The following TBC1D22A variants were observed in gnomAD, a reference collection of about 807,000 sequenced individuals.
The protein encoded by TBC1D22A is TBC1 domain family member 22A.
A neutral mutation model predicts 60.2 loss-of-function variants in TBC1D22A; 38 were observed. That is an observed-to-expected ratio of 0.63 (90% CI 0.49 to 0.83). TBC1D22A has a LOEUF of 0.83. Among genes scored for constraint, TBC1D22A ranks in the 40% least tolerant of loss-of-function variants. TBC1D22A has a pLI of 0.00. For synonymous variants in TBC1D22A, 302 were observed against 281.7 expected (o/e 1.07, Z -0.72); for missense variants, 628 against 701.0 (o/e 0.90, Z 1.18).
At chr22:47,134,410 G>T (rs1372873485) in intron 12 of TBC1D22A, among the ~76,000 whole-genome samples, 1 of 152,240 alleles carries the variant, frequency 6.6e-6, no homozygotes, top group Non-Finnish European at 1.5e-5. Context: ...TGGAAGGAAG[G>T]CGGGTTCTGC....
At chr22:47,111,647 C>T (rs1449275071) in intron 12 of TBC1D22A, 44 bp downstream of exon 12, 1 of 1,546,214 alleles carries the variant, frequency 6.5e-7, no homozygotes, top group Admixed American at 1.7e-5. Flanking sequence ...TGATTTTCTA[C>T]TAGGAGAGAG....
rs148298585 is a variant in TBC1D22A at position 46,821,401 on chromosome 22, T to G, written c.637+23781T>G. Among the ~76,000 whole-genome samples the G allele has an allele frequency of 3.1e-3, 471 of 152,294 alleles. 2 individuals are homozygous for G. Among genetic ancestry groups the G allele is most frequent in the Non-Finnish European group, 4.1e-3 (281 of 68,030 alleles). Reference sequence around the variant, plus strand: ...GTTTTTCCTTTCCATATTTAGTGCTTCTTTTGGGAGCTCTTGCAGGGCAGA... The same window carrying G: ...GTTTTTCCTTTCCATATTTAGTGCTGCTTTTGGGAGCTCTTGCAGGGCAGA... On this transcript the variant is annotated intron_variant, in intron 4 of 12. Transcript: ENST00000337137.
chr22:47,066,394 G>T (rs1369600694), intron 11 of TBC1D22A, among the ~76,000 whole-genome samples: 1 of 152,136 alleles, frequency 6.6e-6, no homozygotes, highest in East Asian at 1.9e-4. Context: ...ATGAGGGGAT[G>T]CTCGAGTCAG....
chr22:46,916,956 T>TG lies in TBC1D22A; in HGVS notation c.1015+4772dup, dbSNP rs1213517052. On this transcript the variant is annotated intron_variant, in intron 8 of 12. Transcript: ENST00000337137. Reference sequence around the variant, plus strand: ...TTTCAGAGGTTGAAGCCTTAGGGAGTGGGGAAGAAACTAGAGGCACATAGT... The same window carrying TG: ...TTTCAGAGGTTGAAGCCTTAGGGAGTGGGGGAAGAAACTAGAGGCACATAGT... 2.0e-5 allele frequency among the ~76,000 whole-genome samples: 3 copies of TG among 151,846 alleles called. No homozygotes were observed. In the East Asian group the frequency reaches 5.8e-4, roughly 29 times the overall value.
intron 11 of TBC1D22A, among the ~76,000 whole-genome samples, chr22:47,082,192 A>T (rs557734484): frequency 5.4e-4 from 82 of 152,284 alleles, no homozygotes; most frequent in African/African-American, 1.9e-3. Flanking sequence ...CCGCAAACTG[A>T]TTTTTAAAGT....
intron 5 of TBC1D22A, among the ~76,000 whole-genome samples, chr22:46,887,509 A>G (rs2068179215): frequency 6.6e-6 from 1 of 152,262 alleles, no homozygotes; most frequent in Admixed American, 6.5e-5. Context: ...CTTTAAAGCA[A>G]AAACTGGAAA....
At chr22:46,954,487 C>T (rs2073086167) in intron 8 of TBC1D22A, among the ~76,000 whole-genome samples, 1 of 152,206 alleles carries the variant, frequency 6.6e-6, no homozygotes, top group South Asian at 2.1e-4. Flanking sequence ...CACACTCGAG[C>T]ATCTTGCCTC....
chr22:47,066,803 T>C (rs932619431), intron 11 of TBC1D22A, among the ~76,000 whole-genome samples: 5 of 152,166 alleles, frequency 3.3e-5, no homozygotes, highest in African/African-American at 9.7e-5. Flanking sequence ...TCTGCTCTCC[T>C]CCCTTGGCCC....
At chr22:46,861,225 C>T (rs1161097706) in intron 4 of TBC1D22A, among the ~76,000 whole-genome samples, 8 of 152,174 alleles carry the variant, frequency 5.3e-5, no homozygotes, top group African/African-American at 1.4e-4. Context: ...TCCCAAAGTG[C>T]TGGGATTATA....
intron 8 of TBC1D22A, among the ~76,000 whole-genome samples, chr22:46,942,945 A>G (rs1227853411): frequency 6.6e-6 from 1 of 152,232 alleles, no homozygotes; most frequent in African/African-American, 2.4e-5. Flanking sequence ...TGGTGAAAGC[A>G]GAACATGCTT....
chr22:46,810,962 T>A (rs2085352440), intron 4 of TBC1D22A, among the ~76,000 whole-genome samples: 1 of 152,192 alleles, frequency 6.6e-6, no homozygotes, highest in African/African-American at 2.4e-5. Context: ...GCAGGATGAT[T>A]GAAGAGGCTG....
intron 4 of TBC1D22A, among the ~76,000 whole-genome samples, chr22:46,865,857 CAAT>C (rs1214399130): frequency 1.3e-5 from 2 of 152,104 alleles, no homozygotes; most frequent in African/African-American, 4.8e-5. Flanking sequence ...CTCTGAGTAA[CAAT>C]GATAAGAACA....
chr22:46,952,497 T>A (rs1334094780), intron 8 of TBC1D22A, among the ~76,000 whole-genome samples: 1 of 152,200 alleles, frequency 6.6e-6, no homozygotes, highest in African/African-American at 2.4e-5. Flanking sequence ...TTTTTCTGGA[T>A]AAAGGAAGCA....
chr22:46,999,505 TAGAC>T (rs746889270), intron 10 of TBC1D22A, among the ~76,000 whole-genome samples: 13 of 152,194 alleles, frequency 8.5e-5, no homozygotes, highest in South Asian at 8.3e-4. Flanking sequence ...AAGCAGTAAA[TAGAC>T]AGAATTTCTC....
chr22:46,977,638 T>C (rs1332809503), intron 9 of TBC1D22A, among the ~76,000 whole-genome samples: 1 of 152,174 alleles, frequency 6.6e-6, no homozygotes, highest in African/African-American at 2.4e-5. Context: ...CTGGGTAATT[T>C]ATAGAGAAAG....
intron 12 of TBC1D22A, among the ~76,000 whole-genome samples, chr22:47,132,510 ACCGCC>A (rs2066712049): frequency 8.1e-6 from 1 of 124,038 alleles, no homozygotes; most frequent in Non-Finnish European, 1.8e-5. Flanking sequence ...TAGTCCCTGC[ACCGCC>A]CCGCCCTGCT....
intron 12 of TBC1D22A, among the ~76,000 whole-genome samples, chr22:47,133,765 C>T (rs2066764344): frequency 6.6e-6 from 1 of 152,182 alleles, no homozygotes; most frequent in African/African-American, 2.4e-5. Flanking sequence ...TGTGCCTGCG[C>T]GAGGCAGCTT....
At chr22:47,102,898 T>G (rs1392302144) in intron 11 of TBC1D22A, among the ~76,000 whole-genome samples, 1 of 152,178 alleles carries the variant, frequency 6.6e-6, no homozygotes, top group Non-Finnish European at 1.5e-5. Flanking sequence ...CTGGAGACCT[T>G]TCCTTCTCAG....
chr22:46,886,134 C>G (rs901440387), intron 5 of TBC1D22A, among the ~76,000 whole-genome samples: 1 of 152,076 alleles, frequency 6.6e-6, no homozygotes, highest in African/African-American at 2.4e-5. Flanking sequence ...CTCCTGACCT[C>G]GTGATCTGCC....
Sources: allele counts gnomAD v4.1 joint callset (sites outside exome capture counted in the v4.1 genomes callset), GRCh38; gene constraint gnomAD v4.1.1; transcripts MANE v1.5; gene names NCBI Gene and HGNC (gene_info 2026-07-23, HGNC 2026-07-21).